The following STK24 variants were observed in gnomAD, a reference collection of about 807,000 sequenced individuals.
STK24 encodes serine/threonine-protein kinase 24.
Under a neutral mutation model 55.6 loss-of-function variants are expected in STK24, and 21 were observed. The observed-to-expected ratio is 0.38, with a 90% CI of 0.27 to 0.54. STK24 has a LOEUF of 0.54. Among genes scored for constraint, STK24 ranks in the 20% least tolerant of loss-of-function variants. STK24 has a pLI of 0.79. For synonymous variants in STK24, 200 were observed against 215.2 expected (o/e 0.93, Z 0.62); for missense variants, 383 against 538.4 (o/e 0.71, Z 2.86).
At chr13:98,555,148 T>C (rs772981023) in intron 1 of STK24, among the ~76,000 whole-genome samples, 54 of 152,276 alleles carry the variant, frequency 3.5e-4, no homozygotes, top group Non-Finnish European at 7.1e-4. Flanking sequence ...GCCACCATCA[T>C]AGCTGACTAT....
At position 98,517,152 on chromosome 13, in the gene STK24, C is replaced by T. The variant is rs558593259; in HGVS notation, c.273+2091G>A. On this transcript the variant is annotated intron_variant, in intron 2 of 10. Transcript: ENST00000539966. ...ACCAAATATTTGTCAGGATCCTCCA[C>T]ACTTCCTTTGCCAAAACCATCATAA... Among the ~76,000 whole-genome samples the T allele has an allele frequency of 4.6e-5, 7 of 152,340 alleles. No individual in the cohort carries two copies. The South Asian group carries it at 1.0e-3, about 23-fold the overall frequency.
chr13:98,476,793 A>G (rs1166439643), intron 3 of STK24, among the ~76,000 whole-genome samples: 1 of 152,192 alleles, frequency 6.6e-6, no homozygotes, highest in Non-Finnish European at 1.5e-5. Flanking sequence ...TGGTCTACAC[A>G]GCAATCCCAG....
At chr13:98,453,230 A>G in intron 10 of STK24, 21 bp from the exon 11 acceptor site, 1 of 1,611,302 alleles carries the variant, frequency 6.2e-7, no homozygotes, top group East Asian at 2.2e-5. Context: ...AGAGAGAGAG[A>G]GAAGTCAACA....
At chr13:98,576,065 C>A (rs1284747931) in intron 1 of STK24, 1 of 984,852 alleles carries the variant, frequency 1.0e-6, no homozygotes, top group African/African-American at 1.8e-5. Context: ...GTCCAGGGTC[C>A]CGGGGCCGGG....
chr13:98,463,676 CA>C lies in STK24; in HGVS notation c.929+14del. ...CTCCCACACACATGCTTGGGTCACT[CA>C]GGGGCCGACTTACGCGTCGGAATCC... On this transcript the variant is annotated intron_variant, in intron 7 of 10. Transcript: ENST00000539966. The C allele has an allele frequency of 6.2e-7, 1 of 1,611,952 alleles. No homozygotes were observed. Among genetic ancestry groups the C allele is most frequent in the Non-Finnish European group, 8.5e-7 (1 of 1,178,620 alleles).
intron 1 of STK24, among the ~76,000 whole-genome samples, chr13:98,524,182 C>G (rs1263244372): frequency 1.3e-5 from 2 of 152,114 alleles, no homozygotes; most frequent in Non-Finnish European, 2.9e-5. Context: ...GAAGGCAACC[C>G]TGTGGATTGT....
intron 9 of STK24, 139 bp downstream of exon 9, chr13:98,460,233 G>A: frequency 1.3e-6 from 1 of 779,822 alleles, no homozygotes; most frequent in South Asian, 1.6e-5. Context: ...CCTTTGGGAA[G>A]GCACCATGCA....
intron 1 of STK24, among the ~76,000 whole-genome samples, chr13:98,526,845 C>T (rs1295276384): frequency 7.9e-5 from 12 of 152,152 alleles, no homozygotes; most frequent in Non-Finnish European, 1.5e-4. Flanking sequence ...TGGCCCATCC[C>T]AGTAGTGCGG....
In STK24 at chr13:98,450,964, A is replaced by G. The variant is rs1893161485; in HGVS notation, c.*2209T>C. ...ACCTCCCCCGACAGGAAATGCTGCC[A>G]GTCAACTCTAAAAGAACCACTTGTT... On this transcript the variant is annotated 3_prime_UTR_variant, in exon 11 of 11. Coordinates refer to ENST00000539966, the MANE Select transcript of STK24 (RefSeq NM_001032296.4). 1 of 152,280 alleles carries G rather than the reference A, an allele frequency of 6.6e-6. No individual in the cohort carries two copies. The highest frequency in any genetic ancestry group is 1.5e-5 in the Non-Finnish European group (1 of 68,090). The allele number at this position is 152,280 out of a possible 1,614,324, so 9.4% of individuals were successfully genotyped here. A position where few individuals can be genotyped will look rare whatever the true frequency, so the allele number is the denominator to read the frequency against.
chr13:98,464,420 A>G (rs1452281467), intron 6 of STK24, among the ~76,000 whole-genome samples: 1 of 151,838 alleles, frequency 6.6e-6, no homozygotes, highest in Non-Finnish European at 1.5e-5. Context: ...CTCTGTCTCA[A>G]AAAAAAGCTT....
At position 98,509,235 on chromosome 13, in the gene STK24, G is replaced by A. The variant is rs566931700; in HGVS notation, c.273+10008C>T. ...GCTCAAAGTTATGATTAATAGAAAT[G>A]GAAATAAACATAAAATACTGTTATA... On this transcript the variant is annotated intron_variant, in intron 2 of 10. Coordinates refer to ENST00000539966, the MANE Select transcript of STK24 (RefSeq NM_001032296.4). 5.9e-5 allele frequency among the ~76,000 whole-genome samples: 9 copies of A among 152,178 alleles called. 1 individual carries two copies. In the South Asian group the frequency reaches 1.5e-3, roughly 25 times the overall value.
At chr13:98,508,945 TCA>T (rs1194402936) in intron 2 of STK24, 1 of 152,232 alleles carries the variant, frequency 6.6e-6, no homozygotes, top group African/African-American at 2.4e-5. Flanking sequence ...CTGGTGAGAC[TCA>T]CAAGAGCTCC....
chr13:98,457,349 GC>G, intron 9 of STK24, 45 bp from the exon 10 acceptor site: 1 of 1,612,550 alleles, frequency 6.2e-7, no homozygotes, highest in Non-Finnish European at 8.5e-7. Flanking sequence ...CACACCAGCT[GC>G]AAAACTGGGA....
chr13:98,459,430 G>C lies in STK24; in HGVS notation c.1122+942C>G, dbSNP rs552767076. Among the ~76,000 whole-genome samples, 76 of 152,372 alleles carry C rather than the reference G, an allele frequency of 5.0e-4. 1 individual carries two copies. The highest frequency in any genetic ancestry group is 1.8e-3 in the African/African-American group (74 of 41,594). The stretch of plus-strand genomic sequence containing the variant: ...CGGGCCCTGAACTTGCCAGGTCAGA[G>C]GCCCTCAGACAAACCCTCCAGGGCA... On this transcript the variant is annotated intron_variant, in intron 9 of 10. Transcript: ENST00000539966.
chr13:98,467,206 T>C (rs1893957866), intron 5 of STK24, among the ~76,000 whole-genome samples: 1 of 152,224 alleles, frequency 6.6e-6, no homozygotes, highest in African/African-American at 2.4e-5. Context: ...CTCATCTACC[T>C]ATTGCATGAA....
At chr13:98,484,336 C>T (rs1305010696) in intron 2 of STK24, among the ~76,000 whole-genome samples, 1 of 152,184 alleles carries the variant, frequency 6.6e-6, no homozygotes, top group Non-Finnish European at 1.5e-5. Context: ...CGTTTCTACT[C>T]CCACTCCCTT....
intron 1 of STK24, among the ~76,000 whole-genome samples, chr13:98,544,788 T>C (rs1896988358): frequency 6.6e-6 from 1 of 152,118 alleles, no homozygotes; most frequent in Non-Finnish European, 1.5e-5. Flanking sequence ...TCAAAGAAAT[T>C]ACAGACAATT....
At chr13:98,506,737 G>A (rs1895693562) in intron 2 of STK24, among the ~76,000 whole-genome samples, 1 of 152,222 alleles carries the variant, frequency 6.6e-6, no homozygotes, top group Non-Finnish European at 1.5e-5. Context: ...CATCGGCGAA[G>A]CACTAAAAAT....
intron 1 of STK24, among the ~76,000 whole-genome samples, chr13:98,571,309 G>A (rs547610439): frequency 3.9e-5 from 6 of 152,196 alleles, no homozygotes; most frequent in East Asian, 3.9e-4. Flanking sequence ...TCAGCTCTAC[G>A]CATCAGACCG....
Sources: allele counts gnomAD v4.1 joint callset (sites outside exome capture counted in the v4.1 genomes callset), GRCh38; gene constraint gnomAD v4.1.1; transcripts MANE v1.5; gene names NCBI Gene and HGNC (gene_info 2026-07-23, HGNC 2026-07-21).